Variants in WNT9B observed in about 807,000 individuals in gnomAD.
WNT9B encodes the protein Wnt family member 9B, also known as protein Wnt-9b.
In WNT9B, 12 loss-of-function variants were observed where a neutral mutation model predicts 30.2. The ratio of observed to expected loss-of-function variants is 0.40; its 90% CI spans 0.26 to 0.64. The LOEUF (loss-of-function observed/expected upper bound fraction) is 0.64. WNT9B is among the 30% of genes least tolerant of loss of function. The pLI is 0.42. For synonymous variants in WNT9B, 218 were observed against 216.9 expected, an observed-to-expected ratio of 1.01 and a Z score of -0.05; for missense variants, 442 against 485.2, an observed-to-expected ratio of 0.91 and a Z score of 0.84.
Position 46,880,492 on chromosome 17 carries a change from C to G in WNT9B, c.*3774C>G, listed in dbSNP as rs2085408870. ...GCAAGGAACAGGACCAAGTCTCTGC[C>G]TCATGGGGCTGACATCCTAGTGGGT... On this transcript the variant is annotated 3_prime_UTR_variant, in exon 4 of 4. Transcript: ENST00000290015. Among the ~76,000 whole-genome samples the G allele has an allele frequency of 6.6e-6, 1 of 152,202 alleles. No individual in the cohort carries two copies. The highest frequency in any genetic ancestry group is 1.5e-5 in the Non-Finnish European group (1 of 68,040).
chr17:46,868,215 C>G (rs1461887585), intron 1 of WNT9B, among the ~76,000 whole-genome samples: 5 of 152,230 alleles, frequency 3.3e-5, no homozygotes, highest in African/African-American at 1.2e-4. Flanking sequence ...AACCCTTCCT[C>G]TGCCCTTTAG....
chr17:46,840,879 T>C (rs1259268556), intron 1 of WNT9B, among the ~76,000 whole-genome samples: 1 of 152,246 alleles, frequency 6.6e-6, no homozygotes, highest in Non-Finnish European at 1.5e-5. Flanking sequence ...TTAAGTTCTT[T>C]GTAGATTCTG....
At chr17:46,873,988 C>CAAAA (rs397857419) in intron 2 of WNT9B, among the ~76,000 whole-genome samples, 2 of 69,694 alleles carry the variant, frequency 2.9e-5, no homozygotes, top group Non-Finnish European at 6.1e-5. Flanking sequence ...GACTCTGTCT[C>CAAAA]AAAAAAAAAA....
rs1045372412 is a variant in WNT9B, at chr17:46,878,680, C to A, written c.*1962C>A. The stretch of plus-strand genomic sequence containing the variant: ...GCCTCCACCCAGGCTCAGTGCTGGG[C>A]GTAAGGCAGCAGGGACCTCACTGGC... On this transcript the variant is annotated 3_prime_UTR_variant, in exon 4 of 4. Coordinates refer to ENST00000290015, the MANE Select transcript of WNT9B (RefSeq NM_003396.3). Among the ~76,000 whole-genome samples the A allele has an allele frequency of 2.0e-5, 3 of 152,102 alleles. No homozygotes were observed. The highest frequency in any genetic ancestry group is 7.2e-5 in the African/African-American group (3 of 41,410).
Position 46,863,064 on chromosome 17 carries a change from G to A in WNT9B, c.78-9453G>A, listed in dbSNP as rs567926430. ...CTGAGGACCATGGCGGGATGGCCCC[G>A]AGATCTGGCACTGGGGAGAGCATAC... On this transcript the variant is annotated intron_variant, in intron 1 of 3. Coordinates refer to ENST00000290015, the MANE Select transcript of WNT9B (RefSeq NM_003396.3). Among the ~76,000 whole-genome samples the A allele has an allele frequency of 9.7e-4, 148 of 152,256 alleles. 3 individuals are homozygous for A. The South Asian group carries it at 0.028, about 29-fold the overall frequency.
In WNT9B at chr17:46,879,222, T is replaced by C. The variant is rs1426043254; in HGVS notation, c.*2504T>C. Among the ~76,000 whole-genome samples, 1 of 152,190 alleles carries C rather than the reference T, an allele frequency of 6.6e-6. No individual in the cohort carries two copies. The highest frequency in any genetic ancestry group is 1.5e-5 in the Non-Finnish European group (1 of 68,036). On this transcript the variant is annotated 3_prime_UTR_variant, in exon 4 of 4. Transcript: ENST00000290015. ...TTTGTGTATTTTCCCGGAAACCCTC[T>C]GTCTGGGGAGATACAGCCTGACCTG...
downstream of WNT9B, among the ~76,000 whole-genome samples, chr17:46,881,766 C>T: frequency 6.6e-6 from 1 of 152,234 alleles, no homozygotes; most frequent in East Asian, 1.9e-4. Flanking sequence ...AAAACAGCCA[C>T]ATGTGCTTTC....
At chr17:46,873,347 C>T (rs2085288003) in intron 2 of WNT9B, among the ~76,000 whole-genome samples, 1 of 152,072 alleles carries the variant, frequency 6.6e-6, no homozygotes, top group Non-Finnish European at 1.5e-5. Flanking sequence ...GTGAGCCAGG[C>T]ACTGTGCCAG....
At position 46,872,773 on chromosome 17, in the gene WNT9B, G is replaced by A; in HGVS notation, c.334G>A (p.Gly112Ser). 1 of 1,598,534 alleles carries A rather than the reference G, an allele frequency of 6.3e-7. No individual in the cohort carries two copies. Among genetic ancestry groups the A allele is most frequent in the Non-Finnish European group, 8.5e-7 (1 of 1,170,920 alleles). The change falls in exon 2 of 4, where the codon GGC becomes AGC. Residue 112 changes from glycine (G) to serine (S), a missense_variant and splice_region_variant. Transcript: ENST00000290015. ...GGGCAGGATGGGCCTGCTCAAGAGA[G>A]GTGGGGAGGAGGGCTAGGGGACGGG... ...LEGRMGLLKR[G>S]FKETAFLYAV... is the part of the protein sequence containing the mutation.
chr17:46,836,231 G>T (rs1413507466), intron 1 of WNT9B, among the ~76,000 whole-genome samples: 3 of 151,962 alleles, frequency 2.0e-5, no homozygotes, highest in Admixed American at 2.0e-4. Flanking sequence ...CAAGGAAGCA[G>T]CCAAAAGAGT....
At position 46,851,649 on chromosome 17, in the gene WNT9B, C is replaced by A. The variant is rs2084847413; in HGVS notation, c.11C>A (p.Pro4Gln). 1 of 1,283,114 alleles carries A rather than the reference C, an allele frequency of 7.8e-7. No individual in the cohort carries two copies. The highest frequency in any genetic ancestry group is 9.8e-7 in the Non-Finnish European group (1 of 1,019,800). The allele number at this position is 1,283,114 out of a possible 1,614,324, so 79.5% of individuals were successfully genotyped here. The change falls in exon 1 of 4, where the codon CCG becomes CAG. Residue 4 changes from proline to glutamine, a missense_variant. Coordinates refer to ENST00000290015, the MANE Select transcript of WNT9B (RefSeq NM_003396.3). This position sits in a 1 kb window ranked among gnomAD's most constrained non-coding sequence, Gnocchi z 4.3. The stretch of plus-strand genomic sequence containing the variant: ...AGCGCCGCCAGCACCATGCGCCCCC[C>A]GCCCGCGCTGGCCCTGGCCGGGCTC... MRPPPALALAGLCL... is the reference protein window; with the variant it reads MRPQPALALAGLCL...
intron 1 of WNT9B, among the ~76,000 whole-genome samples, chr17:46,837,261 A>G (rs568061455): frequency 7.2e-5 from 11 of 152,226 alleles, no homozygotes; most frequent in African/African-American, 2.2e-4. Context: ...AGTATTTCAC[A>G]TGATATTTGT....
At chr17:46,885,193 A>G (rs1441316528), downstream of WNT9B, 2 of 322,710 alleles carry the variant, frequency 6.2e-6, no homozygotes, top group Admixed American at 8.6e-5. Flanking sequence ...TTTAGTAGAG[A>G]TGAGGTTTCT....
chr17:46,853,101 C>T (rs936392477), intron 1 of WNT9B, among the ~76,000 whole-genome samples: 4 of 152,068 alleles, frequency 2.6e-5, no homozygotes, highest in Non-Finnish European at 4.4e-5. Flanking sequence ...TGTTTGTTTC[C>T]GAAGATTTCA....
At position 46,876,749 on chromosome 17, in the gene WNT9B, G is replaced by A. The variant is rs140945765; in HGVS notation, c.*31G>A. On this transcript the variant is annotated 3_prime_UTR_variant, in exon 4 of 4. Transcript: ENST00000290015. ...CTGCCCAGCAAGCCAGTCTGGCACT[G>A]CCAGGACCTCCTGTGGCACCCTTCA... 633 of 1,511,642 alleles carry A rather than the reference G, an allele frequency of 4.2e-4. 5 individuals are homozygous for A. In the African/African-American group the frequency reaches 8.0e-3, roughly 19 times the overall value. 93.6% of individuals were successfully genotyped at this position (1,511,642 alleles called of 1,614,324 possible). A position where few individuals can be genotyped will look rare whatever the true frequency, so the allele number is the denominator to read the frequency against.
downstream of WNT9B, among the ~76,000 whole-genome samples, chr17:46,882,746 C>T (rs557041333): frequency 6.6e-6 from 1 of 152,228 alleles, no homozygotes; most frequent in African/African-American, 2.4e-5. Flanking sequence ...GATTGGTGGC[C>T]TATGGTGCAC....
chr17:46,876,932 C>T lies in WNT9B; in HGVS notation c.*214C>T. 7.5e-7 allele frequency: 1 copy of T among 1,336,412 alleles called. No individual in the cohort carries two copies. Among genetic ancestry groups the T allele is most frequent in the South Asian group, 2.5e-5 (1 of 40,722 alleles). 82.8% of individuals were successfully genotyped at this position (1,336,412 alleles called of 1,614,324 possible). On this transcript the variant is annotated 3_prime_UTR_variant, in exon 4 of 4. Transcript: ENST00000290015. ...AGAGAAGCAAAGCCTCCTCCCTTAACCCAAGCATCCCCAACCTTGTTGAGG... is the reference window on the plus strand; with the variant it reads ...AGAGAAGCAAAGCCTCCTCCCTTAATCCAAGCATCCCCAACCTTGTTGAGG...
At chr17:46,884,960 A>G, downstream of WNT9B, 1 of 407,704 alleles carries the variant, frequency 2.5e-6, no homozygotes, top group Non-Finnish European at 4.8e-6. Context: ...GCAACCCATC[A>G]AATAGTTATT....
chr17:46,871,305 C>G (rs553424224), intron 1 of WNT9B, among the ~76,000 whole-genome samples: 1 of 152,304 alleles, frequency 6.6e-6, no homozygotes, highest in African/African-American at 2.4e-5. Flanking sequence ...TCCACCCACA[C>G]TGGGGGCACC....
Sources: allele counts gnomAD v4.1 joint callset (sites outside exome capture counted in the v4.1 genomes callset), GRCh38; gene constraint gnomAD v4.1.1; non-coding constraint Gnocchi (gnomAD v3.1); transcripts MANE v1.5; gene names NCBI Gene and HGNC (gene_info 2026-07-23, HGNC 2026-07-21).